Variants in NWD2 observed in about 807,000 individuals in gnomAD.
NWD2 encodes the protein NACHT and WD repeat domain containing 2.
In NWD2, 37 loss-of-function variants were observed where a neutral mutation model predicts 132.7. The ratio of observed to expected loss-of-function variants is 0.28; its 90% confidence interval spans 0.21 to 0.37. NWD2 has a LOEUF of 0.37. NWD2 is among the 10% of genes least tolerant of loss of function. The pLI is 1.00. For missense variants in NWD2, 1,592 were observed against 2,122.4 expected (o/e 0.75, Z 4.91); for synonymous variants, 705 against 803.0 (o/e 0.88, Z 2.06).
intron 3 of NWD2, among the ~76,000 whole-genome samples, chr4:37,378,207 C>A (rs1362532117): frequency 1.3e-5 from 2 of 152,204 alleles, no homozygotes; most frequent in African/African-American, 4.8e-5. Context: ...TCCCTGCCAA[C>A]AACCACTTCA....
At chr4:37,280,046 C>T (rs961194241) in intron 1 of NWD2, among the ~76,000 whole-genome samples, 1 of 152,102 alleles carries the variant, frequency 6.6e-6, no homozygotes, top group Non-Finnish European at 1.5e-5. Flanking sequence ...CTTTATATAT[C>T]CAGAGTACAG....
At chr4:37,416,925 T>G (rs1711629479) in intron 3 of NWD2, among the ~76,000 whole-genome samples, 1 of 150,008 alleles carries the variant, frequency 6.7e-6, no homozygotes, top group African/African-American at 2.5e-5. Flanking sequence ...AATGATACAA[T>G]GGACTTTGGG....
intron 1 of NWD2, among the ~76,000 whole-genome samples, chr4:37,313,462 A>T (rs1362037881): frequency 1.3e-5 from 2 of 150,700 alleles, no homozygotes; most frequent in African/African-American, 5.0e-5. Context: ...TTTCTGTGGG[A>T]TCGGTGGTGA....
intron 1 of NWD2, among the ~76,000 whole-genome samples, chr4:37,310,114 A>G (rs1718800452): frequency 6.6e-6 from 1 of 152,194 alleles, no homozygotes; most frequent in Non-Finnish European, 1.5e-5. Context: ...TTTGTCTCCA[A>G]TCTACCATGT....
chr4:37,248,100 G>T (rs1717282019), intron 1 of NWD2, among the ~76,000 whole-genome samples: 2 of 152,162 alleles, frequency 1.3e-5, no homozygotes, highest in South Asian at 4.2e-4. Context: ...CAGAGTGAAA[G>T]AGTAGAGCCT....
chr4:37,360,187 C>T (rs982928373), intron 3 of NWD2, among the ~76,000 whole-genome samples: 18 of 151,952 alleles, frequency 1.2e-4, no homozygotes, highest in African/African-American at 4.3e-4. Context: ...GTTGTGGGGA[C>T]CAAATGTGAT....
intron 5 of NWD2, among the ~76,000 whole-genome samples, chr4:37,437,354 C>T (rs2109328506): frequency 6.6e-6 from 1 of 152,254 alleles, no homozygotes; most frequent in Admixed American, 6.5e-5. Context: ...TCTGAGATCT[C>T]TTTTATATGA....
At chr4:37,328,977 G>A (rs924825300) in intron 2 of NWD2, among the ~76,000 whole-genome samples, 3 of 151,840 alleles carry the variant, frequency 2.0e-5, no homozygotes, top group African/African-American at 7.2e-5. Context: ...TGCATTCCTT[G>A]TCCTATAGTC....
chr4:37,370,379 A>G (rs1017921961), intron 3 of NWD2, among the ~76,000 whole-genome samples: 2 of 152,232 alleles, frequency 1.3e-5, no homozygotes, highest in East Asian at 1.9e-4. Context: ...GCCACCAGCA[A>G]TATTATATAT....
At chr4:37,253,146 T>C (rs11932737) in intron 1 of NWD2, among the ~76,000 whole-genome samples, 16,111 of 152,216 alleles carry the variant, frequency 0.11, 1,068 homozygotes, top group East Asian at 0.27. Flanking sequence ...ATCATTACTA[T>C]GTGTTATTGA....
intron 2 of NWD2, among the ~76,000 whole-genome samples, chr4:37,339,453 G>A (rs1719475066): frequency 1.3e-5 from 2 of 152,174 alleles, no homozygotes; most frequent in Non-Finnish European, 2.9e-5. Context: ...TGACATTGTG[G>A]GAGGCTCTAG....
intron 3 of NWD2, among the ~76,000 whole-genome samples, chr4:37,422,842 C>T (rs990803823): frequency 3.3e-5 from 5 of 152,134 alleles, no homozygotes; most frequent in Non-Finnish European, 5.9e-5. Context: ...CTACTAACCT[C>T]GAAATATTCT....
rs28438951 is a variant in NWD2 at position 37,348,136 on chromosome 4, G to A, written c.241-8230G>A. 7.0e-3 allele frequency among the ~76,000 whole-genome samples: 1,069 copies of A among 152,208 alleles called. 12 individuals are homozygous for A. The highest frequency in any genetic ancestry group is 0.024 in the African/African-American group (1,010 of 41,522). ...CTAGTGGCAGTCCCATAAGGATCTC[G>A]AACTAAGAAGCTGTGTGATGCTCTG... On this transcript the variant is annotated intron_variant, in intron 2 of 6. Coordinates refer to ENST00000309447, the MANE Select transcript of NWD2 (RefSeq NM_001144990.2).
chr4:37,382,030 A>G (rs1169027559), intron 3 of NWD2, among the ~76,000 whole-genome samples: 5 of 152,346 alleles, frequency 3.3e-5, no homozygotes, highest in Non-Finnish European at 5.9e-5. Context: ...CCTCTCCTGG[A>G]TGCGTGTCAC....
intron 3 of NWD2, among the ~76,000 whole-genome samples, chr4:37,381,912 T>C (rs931095389): frequency 6.6e-6 from 1 of 152,240 alleles, no homozygotes; most frequent in Non-Finnish European, 1.5e-5. Flanking sequence ...GAAAATTCTC[T>C]TGCTTTTGTG....
intron 1 of NWD2, among the ~76,000 whole-genome samples, chr4:37,275,241 A>G (rs1717982905): frequency 6.6e-6 from 1 of 152,224 alleles, no homozygotes; most frequent in Admixed American, 6.5e-5. Flanking sequence ...GTCTCAGGAT[A>G]CAAAATCAAT....
chr4:37,330,122 T>C (rs1719261506), intron 2 of NWD2, among the ~76,000 whole-genome samples: 1 of 152,238 alleles, frequency 6.6e-6, no homozygotes, highest in Non-Finnish European at 1.5e-5. Flanking sequence ...TATGTGCCTG[T>C]TTGGCAGGCT....
chr4:37,383,218 C>G (rs1720491299), intron 3 of NWD2, among the ~76,000 whole-genome samples: 1 of 152,186 alleles, frequency 6.6e-6, no homozygotes, highest in South Asian at 2.1e-4. Context: ...CTTCCCTTAT[C>G]TAACACATAT....
At chr4:37,317,207 C>T (rs1718975218) in intron 1 of NWD2, among the ~76,000 whole-genome samples, 1 of 152,146 alleles carries the variant, frequency 6.6e-6, no homozygotes, top group Non-Finnish European at 1.5e-5. Flanking sequence ...TCCACCAGGC[C>T]TTTTCTTGTT....
Sources: gnomAD v4.1 joint callset for allele counts (sites outside exome capture counted in the v4.1 genomes callset) on GRCh38, gnomAD v4.1.1 for gene constraint, MANE v1.5 for transcripts, NCBI Gene and HGNC (gene_info 2026-07-23, HGNC 2026-07-21) for gene names.